PRKD2: variants seen among roughly 807,000 people sequenced by gnomAD.
PRKD2 encodes serine/threonine-protein kinase D2.
A neutral mutation model predicts 86.0 loss-of-function variants in PRKD2; 22 were observed. The ratio of observed to expected loss-of-function variants is 0.26; its 90% CI spans 0.18 to 0.37. The LOEUF (loss-of-function observed/expected upper bound fraction) is 0.37, where lower values mean the gene tolerates loss of function less well. Ranked by LOEUF, PRKD2 falls within the 10% of genes least tolerant of loss-of-function variation. The pLI is 1.00. For missense variants in PRKD2, 818 were observed against 1,199.2 expected (o/e 0.68, Z 4.70); for synonymous variants, 509 against 510.9 (o/e 1.00, Z 0.05).
At chr19:46,681,583 T>TGGCCCCCCCCCC in intron 15 of PRKD2, 67 bp downstream of exon 15, 1 of 671,506 alleles carries the variant, frequency 1.5e-6, no homozygotes, top group Admixed American at 2.3e-5. Flanking sequence ...ATAATCCCCT[T>TGGCCCCCCCCCC]CCCCACCCCC....
Position 46,716,077 on chromosome 19 carries a change from C to A in PRKD2, c.240+54G>T. ...ACCAGGCCCCAGACCCCTCTGCCAG[C>A]GCCCCCTCCTTCAACCTCTCCCCGA... On this transcript the variant is annotated intron_variant, in intron 1 of 17. Coordinates refer to ENST00000291281, the MANE Select transcript of PRKD2 (RefSeq NM_016457.5). The surrounding 1 kb of genome is among the most constrained non-coding windows in gnomAD (Gnocchi z 7.9). The A allele has an allele frequency of 1.3e-6, 2 of 1,592,180 alleles. No individual in the cohort carries two copies. Among genetic ancestry groups the A allele is most frequent in the East Asian group, 2.3e-5 (1 of 43,268 alleles).
chr19:46,709,135 C>G (rs1178365472), intron 3 of PRKD2: 1 of 153,056 alleles, frequency 6.5e-6, no homozygotes, highest in East Asian at 1.9e-4. Context: ...TGCCACCACG[C>G]CCGCTAATTT....
At chr19:46,696,586 C>T (rs376771481) in intron 9 of PRKD2, among the ~76,000 whole-genome samples, 2 of 151,938 alleles carry the variant, frequency 1.3e-5, no homozygotes, top group South Asian at 2.1e-4. Context: ...GGTGAAACCC[C>T]GTCTCTACTA....
rs2053625750 is a variant in PRKD2 at position 46,700,893 on chromosome 19, C to T, written c.1027G>A (p.Glu343Lys). 5.0e-6 allele frequency: 8 copies of T among 1,614,136 alleles called. No individual in the cohort carries two copies. The highest frequency in any genetic ancestry group is 1.1e-5 in the South Asian group (1 of 91,094). The stretch of plus-strand genomic sequence containing the variant: ...GGGATGACACCGGAGTCCTCTGACT[C>T]ATCCATGAGGGCGCTCTTGTCAGCC... Reference protein sequence around the residue: ...SEADKSALMDESEDSGVIPGS... With the variant: ...SEADKSALMDKSEDSGVIPGS... Residue 343 changes from glutamate to lysine, a missense_variant, in exon 7 of 18, where the codon GAG becomes AAG. Glu to Lys is a moderately conservative substitution (Grantham distance 56). Coordinates refer to ENST00000291281, the MANE Select transcript of PRKD2 (RefSeq NM_016457.5).
chr19:46,707,661 T>C lies in PRKD2; in HGVS notation c.512-3012A>G, dbSNP rs182410063. Among the ~76,000 whole-genome samples, 42 of 152,302 alleles carry C rather than the reference T, an allele frequency of 2.8e-4. No homozygotes were observed. In the South Asian group the frequency reaches 6.0e-3, roughly 22 times the overall value. ...GGTCCTCACCTGTCATCTGTCCTCA[T>C]AGCCAATGCAGGTACATGGCCTTCA... On this transcript the variant is annotated intron_variant, in intron 3 of 17. Transcript: ENST00000291281.
chr19:46,714,110 A>G, intron 1 of PRKD2, 109 bp from the exon 2 acceptor site: 1 of 1,460,668 alleles, frequency 6.8e-7, no homozygotes, highest in Non-Finnish European at 9.1e-7. Flanking sequence ...CCGGAAACGC[A>G]GAGACCCCGC....
At chr19:46,686,112 G>A (rs909686042) in intron 14 of PRKD2, 1 of 152,162 alleles carries the variant, frequency 6.6e-6, no homozygotes, top group African/African-American at 2.4e-5. Context: ...CCACAGAGAT[G>A]TCTCAGAAGA....
At position 46,716,999 on chromosome 19, in the gene PRKD2, G is replaced by A. The variant is rs1469891273; in HGVS notation, c.-629C>T. 1 of 152,722 alleles carries A rather than the reference G, an allele frequency of 6.5e-6. No homozygotes were observed. Among genetic ancestry groups the A allele is most frequent in the African/African-American group, 2.4e-5 (1 of 41,402 alleles). 9.5% of individuals were successfully genotyped at this position (152,722 alleles called of 1,614,324 possible). A position where few individuals can be genotyped will look rare whatever the true frequency, so the allele number is the denominator to read the frequency against. On this transcript the variant is annotated 5_prime_UTR_variant, in exon 1 of 18. Coordinates refer to ENST00000291281, the MANE Select transcript of PRKD2 (RefSeq NM_016457.5). The surrounding 1 kb of genome is among the most constrained non-coding windows in gnomAD (Gnocchi z 7.9). ...TTCGGTCGGGAGCCGTGAGGAAGGG[G>A]GCGTTGCCGGAGCGGGGTTGGGTGG...
At chr19:46,697,037 G>C in intron 9 of PRKD2, 120 bp downstream of exon 9, 1 of 838,564 alleles carries the variant, frequency 1.2e-6, no homozygotes, top group Admixed American at 2.0e-5. Flanking sequence ...AGGGAGGCTG[G>C]GGGTGGGCAG....
chr19:46,713,809 A>G, intron 2 of PRKD2, 54 bp downstream of exon 2: 1 of 294,740 alleles, frequency 3.4e-6, no homozygotes, highest in Non-Finnish European at 5.2e-6. Flanking sequence ...CTCCTCCCCC[A>G]GATGCCCCGC....
chr19:46,708,298 G>A (rs530445728), intron 3 of PRKD2, among the ~76,000 whole-genome samples: 37 of 149,616 alleles, frequency 2.5e-4, no homozygotes, highest in Admixed American at 2.2e-3. Context: ...AATCCAATGG[G>A]ACTGGTGACC....
At chr19:46,706,011 C>T (rs973091611) in intron 3 of PRKD2, among the ~76,000 whole-genome samples, 12 of 152,068 alleles carry the variant, frequency 7.9e-5, no homozygotes, top group Non-Finnish European at 1.6e-4. Context: ...ACATACACTA[C>T]CATGCCCAGA....
At chr19:46,697,591 C>T (rs2053579208) in intron 8 of PRKD2, 142 bp downstream of exon 8, 1 of 724,552 alleles carries the variant, frequency 1.4e-6, no homozygotes, top group East Asian at 2.7e-5. Flanking sequence ...AATTCTAGCC[C>T]CGCCTCCAGC....
At chr19:46,714,240 G>A (rs970155605) in intron 1 of PRKD2, 12 of 1,291,314 alleles carry the variant, frequency 9.3e-6, no homozygotes, top group Admixed American at 3.4e-5. Flanking sequence ...GGGGGAGCTG[G>A]GGTGGGAGGG....
At chr19:46,694,568 C>T (rs1019831307) in intron 9 of PRKD2, among the ~76,000 whole-genome samples, 6 of 152,082 alleles carry the variant, frequency 3.9e-5, no homozygotes, top group African/African-American at 1.4e-4. Flanking sequence ...GCACTCCAGC[C>T]TGGGCGACAG....
At chr19:46,696,621 G>C (rs2053561947) in intron 9 of PRKD2, among the ~76,000 whole-genome samples, 1 of 152,072 alleles carries the variant, frequency 6.6e-6, no homozygotes. Context: ...AGCTGGGTGT[G>C]GTGGCATTCA....
intron 13 of PRKD2, among the ~76,000 whole-genome samples, chr19:46,690,190 C>T (rs2053463697): frequency 6.6e-6 from 1 of 152,008 alleles, no homozygotes; most frequent in Non-Finnish European, 1.5e-5. Context: ...CCTGGCCTAA[C>T]CCCTCTCTCC....
chr19:46,697,125 A>T, intron 9 of PRKD2, 32 bp downstream of exon 9: 3 of 1,510,522 alleles, frequency 2.0e-6, no homozygotes, highest in Non-Finnish European at 2.8e-6. Flanking sequence ...CACAGCGGGA[A>T]GTCCGAGGGA....
chr19:46,710,872 G>T (rs866495918), intron 3 of PRKD2, 35 bp downstream of exon 3: 1 of 508,306 alleles, frequency 2.0e-6, no homozygotes, highest in Non-Finnish European at 3.4e-6. Context: ...GCAGAGCCCC[G>T]CCCCAGGCCC....
Sources: allele counts gnomAD v4.1 joint callset (sites outside exome capture counted in the v4.1 genomes callset), GRCh38; gene constraint gnomAD v4.1.1; non-coding constraint Gnocchi (gnomAD v3.1); transcripts MANE v1.5; gene names NCBI Gene and HGNC (gene_info 2026-07-23, HGNC 2026-07-21).